PHACTR1: variants seen among roughly 807,000 people sequenced by gnomAD.
PHACTR1 encodes the protein phosphatase and actin regulator 1.
Under a neutral mutation model 69.2 loss-of-function variants are expected in PHACTR1, and 16 were observed. That is an observed-to-expected ratio of 0.23 (90% CI 0.16 to 0.35). The LOEUF is 0.35. Among genes scored for constraint, PHACTR1 ranks in the 10% least tolerant of loss-of-function variants. The pLI is 1.00. For synonymous variants in PHACTR1, 312 were observed against 284.5 expected, an observed-to-expected ratio of 1.10 and a Z score of -0.97; for missense variants, 510 against 734.7, an observed-to-expected ratio of 0.69 and a Z score of 3.54.
intron 4 of PHACTR1, among the ~76,000 whole-genome samples, chr6:13,040,098 T>A (rs1260712462): frequency 6.6e-6 from 1 of 152,192 alleles, no homozygotes; most frequent in Admixed American, 6.5e-5. Context: ...AATTTCCTCT[T>A]CTCTTTCTTC....
chr6:13,090,758 GT>G (rs1357536974), intron 5 of PHACTR1, among the ~76,000 whole-genome samples: 2 of 152,002 alleles, frequency 1.3e-5, no homozygotes, highest in African/African-American at 4.8e-5. Context: ...CACTGAGTTT[GT>G]TTTTTTAGTA....
At chr6:12,918,507 TGTC>T (rs1355023089) in intron 4 of PHACTR1, among the ~76,000 whole-genome samples, 1 of 152,236 alleles carries the variant, frequency 6.6e-6, no homozygotes. Context: ...TTACTTCTGT[TGTC>T]GTACATAAAA....
At chr6:12,771,968 G>A (rs1769446386) in intron 4 of PHACTR1, among the ~76,000 whole-genome samples, 1 of 152,148 alleles carries the variant, frequency 6.6e-6, no homozygotes, top group South Asian at 2.1e-4. Flanking sequence ...GAGAGAAAAT[G>A]GCCAGTGACT....
At chr6:12,932,045 A>T (rs1240093964) in intron 4 of PHACTR1, among the ~76,000 whole-genome samples, 1 of 152,088 alleles carries the variant, frequency 6.6e-6, no homozygotes, top group African/African-American at 2.4e-5. Context: ...ACTGAATCAG[A>T]AATGCTGGAG....
At chr6:12,820,920 C>T (rs1561914164) in intron 4 of PHACTR1, among the ~76,000 whole-genome samples, 1 of 152,128 alleles carries the variant, frequency 6.6e-6, no homozygotes, top group Admixed American at 6.5e-5. Flanking sequence ...AAAAAGAAAC[C>T]TGCCCTATGT....
intron 3 of PHACTR1, among the ~76,000 whole-genome samples, chr6:12,724,275 C>T (rs933866216): frequency 4.6e-5 from 7 of 152,008 alleles, no homozygotes; most frequent in Non-Finnish European, 7.4e-5. Context: ...TGCAGTGAAC[C>T]GAGATCGCAC....
intron 4 of PHACTR1, among the ~76,000 whole-genome samples, chr6:13,040,698 G>A (rs1001945832): frequency 3.3e-5 from 5 of 152,098 alleles, no homozygotes; most frequent in African/African-American, 4.8e-5. Flanking sequence ...AGACTGAAAC[G>A]GTTATAAGCA....
At chr6:13,085,294 ACT>A (rs1812092231) in intron 5 of PHACTR1, among the ~76,000 whole-genome samples, 1 of 152,166 alleles carries the variant, frequency 6.6e-6, no homozygotes, top group South Asian at 2.1e-4. Flanking sequence ...TGAAAATAAT[ACT>A]GTGTTATTAA....
chr6:13,191,895 C>T (rs554844235), intron 7 of PHACTR1, among the ~76,000 whole-genome samples: 5 of 152,324 alleles, frequency 3.3e-5, no homozygotes, highest in African/African-American at 1.2e-4. Flanking sequence ...TTTCTATTCT[C>T]AAAATGCAGA....
intron 8 of PHACTR1, among the ~76,000 whole-genome samples, chr6:13,211,234 C>G (rs955781472): frequency 1.1e-4 from 17 of 152,282 alleles, no homozygotes; most frequent in Middle Eastern, 3.4e-3. Context: ...GCAGTGTACA[C>G]TGTACCCAGT....
chr6:12,830,092 GGAAAGAAAGAAAGAAA>G (rs201322567), intron 4 of PHACTR1, among the ~76,000 whole-genome samples: 8,404 of 109,016 alleles, frequency 0.077, 322 homozygotes, highest in Non-Finnish European at 0.092. Flanking sequence ...AAGGAAGGAG[GGAAAGAAAGAAAGAAA>G]GAAAGAAAGA....
At chr6:12,728,913 A>G (rs1364553516) in intron 3 of PHACTR1, among the ~76,000 whole-genome samples, 3 of 152,234 alleles carry the variant, frequency 2.0e-5, no homozygotes, top group Non-Finnish European at 4.4e-5. Context: ...GCTAGATGGC[A>G]CTCAGCTACA....
At chr6:13,176,308 C>T (rs1400583924) in intron 6 of PHACTR1, among the ~76,000 whole-genome samples, 1 of 152,188 alleles carries the variant, frequency 6.6e-6, no homozygotes, top group Admixed American at 6.5e-5. Flanking sequence ...TCATTGTAAT[C>T]CACATGTGCA....
intron 4 of PHACTR1, among the ~76,000 whole-genome samples, chr6:13,000,665 GGAA>G (rs1432251377): frequency 1.4e-3 from 18 of 12,510 alleles, no homozygotes; most frequent in African/African-American, 6.8e-3. Context: ...GGAAGGGGAA[GGAA>G]GGAAGGAAGG....
chr6:13,211,775 T>C lies in PHACTR1; in HGVS notation c.986+5639T>C, dbSNP rs118131331. Among the ~76,000 whole-genome samples, 1,035 of 152,308 alleles carry C rather than the reference T, an allele frequency of 6.8e-3. 14 individuals carry two copies. Among genetic ancestry groups the C allele is most frequent in the East Asian group, 0.033 (173 of 5,174 alleles). ...TGCCTGAGCCTCAGTCGGCCTTGCC[T>C]GGCTTACTGCAGTTTCTCCCACCTG... On this transcript the variant is annotated intron_variant, in intron 8 of 14. Transcript: ENST00000332995.
intron 5 of PHACTR1, among the ~76,000 whole-genome samples, chr6:13,093,849 T>A (rs1202007836): frequency 6.6e-6 from 1 of 152,168 alleles, no homozygotes; most frequent in Admixed American, 6.6e-5. Flanking sequence ...GAAGAGCCAG[T>A]CTTTCACCAA....
chr6:12,975,289 C>T (rs931577909), intron 4 of PHACTR1, among the ~76,000 whole-genome samples: 2 of 152,258 alleles, frequency 1.3e-5, no homozygotes, highest in Admixed American at 6.5e-5. Flanking sequence ...TGGACATGGA[C>T]CAGAAAATTA....
chr6:13,136,606 G>A (rs573066806), intron 5 of PHACTR1, among the ~76,000 whole-genome samples: 3 of 152,346 alleles, frequency 2.0e-5, no homozygotes, highest in Admixed American at 6.5e-5. Context: ...CTTTTGGCCT[G>A]TCTCACCTTT....
At chr6:12,813,698 C>A (rs1183321428) in intron 4 of PHACTR1, among the ~76,000 whole-genome samples, 3 of 152,210 alleles carry the variant, frequency 2.0e-5, no homozygotes, top group Non-Finnish European at 4.4e-5. Flanking sequence ...CTAAACTGTA[C>A]AATCAGGCCA....
Sources: gnomAD v4.1 joint callset for allele counts (sites outside exome capture counted in the v4.1 genomes callset) on GRCh38, gnomAD v4.1.1 for gene constraint, MANE v1.5 for transcripts, NCBI Gene and HGNC (gene_info 2026-07-23, HGNC 2026-07-21) for gene names.